LRRC4C: variants seen among roughly 807,000 people sequenced by gnomAD.
The protein encoded by LRRC4C is leucine-rich repeat-containing protein 4C.
A neutral mutation model predicts 33.6 loss-of-function variants in LRRC4C; 5 were observed. The ratio of observed to expected loss-of-function variants is 0.15; its 90% CI spans 0.08 to 0.31. The LOEUF (loss-of-function observed/expected upper bound fraction) is 0.31. Ranked by LOEUF, LRRC4C falls within the 10% of genes least tolerant of loss-of-function variation. The pLI, the probability that LRRC4C is intolerant of heterozygous loss-of-function variation, is 1.00. For synonymous variants in LRRC4C, 329 were observed against 302.0 expected (o/e 1.09, Z -0.93); for missense variants, 560 against 796.7 (o/e 0.70, Z 3.58).
At chr11:41,414,183 T>C (rs1322206313) in intron 1 of LRRC4C, among the ~76,000 whole-genome samples, 1 of 152,178 alleles carries the variant, frequency 6.6e-6, no homozygotes, top group African/African-American at 2.4e-5. Flanking sequence ...ACTCAATGCC[T>C]GACAGCTCTT....
At chr11:40,578,141 G>GTTTTTTTTTTTTT (rs1360920903) in intron 3 of LRRC4C, among the ~76,000 whole-genome samples, 6 of 50,136 alleles carry the variant, frequency 1.2e-4, no homozygotes, top group African/African-American at 1.4e-4. Flanking sequence ...TTTTTTTTCG[G>GTTTTTTTTTTTTT]TTTTTTTTTT....
intron 3 of LRRC4C, among the ~76,000 whole-genome samples, chr11:40,410,670 T>C (rs1326649994): frequency 6.6e-6 from 1 of 152,138 alleles, no homozygotes; most frequent in African/African-American, 2.4e-5. Context: ...GCACTTTTTT[T>C]ATATCATTGC....
At chr11:40,637,357 A>T (rs914313894) in intron 3 of LRRC4C, among the ~76,000 whole-genome samples, 1 of 152,274 alleles carries the variant, frequency 6.6e-6, no homozygotes, top group Non-Finnish European at 1.5e-5. Context: ...AGATCAAGTG[A>T]CTAAGTATAG....
At chr11:40,692,164 G>C (rs72896609) in intron 2 of LRRC4C, among the ~76,000 whole-genome samples, 1 of 151,928 alleles carries the variant, frequency 6.6e-6, no homozygotes, top group Admixed American at 6.6e-5. Flanking sequence ...AAATGAACCC[G>C]AGAGAGATCA....
At chr11:40,296,832 A>G (rs1167442672) in intron 4 of LRRC4C, among the ~76,000 whole-genome samples, 2 of 152,206 alleles carry the variant, frequency 1.3e-5, no homozygotes, top group African/African-American at 4.8e-5. Flanking sequence ...TTCAGAAGAA[A>G]TAATATTACA....
chr11:40,964,423 G>A (rs1201033646), intron 1 of LRRC4C, among the ~76,000 whole-genome samples: 1 of 151,748 alleles, frequency 6.6e-6, no homozygotes, highest in African/African-American at 2.4e-5. Context: ...ACAACGTGCA[G>A]GTTTGTTACA....
chr11:40,154,101 A>G (rs903311934), intron 5 of LRRC4C, among the ~76,000 whole-genome samples: 2 of 152,174 alleles, frequency 1.3e-5, no homozygotes, highest in African/African-American at 2.4e-5. Context: ...TAAACCCTGC[A>G]AGCTAGACGG....
intron 2 of LRRC4C, among the ~76,000 whole-genome samples, chr11:40,910,408 T>C (rs983368080): frequency 6.6e-6 from 1 of 152,214 alleles, no homozygotes; most frequent in African/African-American, 2.4e-5. Flanking sequence ...ATCATCTGGT[T>C]ATGGAAATAC....
At chr11:40,261,699 TA>T (rs962886453) in intron 4 of LRRC4C, among the ~76,000 whole-genome samples, 4 of 151,940 alleles carry the variant, frequency 2.6e-5, no homozygotes, top group African/African-American at 9.7e-5. Context: ...GTGATGAAGC[TA>T]AAAAAAGAAT....
chr11:41,199,771 A>G (rs1309549816), intron 1 of LRRC4C, among the ~76,000 whole-genome samples: 1 of 152,126 alleles, frequency 6.6e-6, no homozygotes, highest in Admixed American at 6.6e-5. Flanking sequence ...TGGAAATTTT[A>G]CACTAGCTGG....
At chr11:40,253,866 G>C (rs1230512589) in intron 4 of LRRC4C, among the ~76,000 whole-genome samples, 1 of 152,120 alleles carries the variant, frequency 6.6e-6, no homozygotes, top group Non-Finnish European at 1.5e-5. Flanking sequence ...GTTATAAAGT[G>C]CTTATCATAC....
intron 5 of LRRC4C, among the ~76,000 whole-genome samples, chr11:40,178,074 C>T (rs1860663862): frequency 6.6e-6 from 1 of 152,152 alleles, no homozygotes; most frequent in South Asian, 2.1e-4. Flanking sequence ...AGGGCTCTAT[C>T]AGCTTTTATG....
intron 1 of LRRC4C, among the ~76,000 whole-genome samples, chr11:41,016,419 T>G (rs1239401076): frequency 2.6e-5 from 4 of 152,176 alleles, no homozygotes; most frequent in Non-Finnish European, 5.9e-5. Flanking sequence ...ACTGTGTAAC[T>G]AATAAGGAAG....
chr11:41,313,092 G>C (rs772897751), intron 1 of LRRC4C, among the ~76,000 whole-genome samples: 8 of 152,294 alleles, frequency 5.3e-5, no homozygotes, highest in Admixed American at 1.3e-4. Flanking sequence ...TAAGTATGTT[G>C]AGGGTATGTT....
intron 3 of LRRC4C, among the ~76,000 whole-genome samples, chr11:40,405,141 C>CTTT (rs534979546): frequency 1.4e-5 from 2 of 145,618 alleles, no homozygotes; most frequent in Non-Finnish European, 3.0e-5. Context: ...TATATTTGAA[C>CTTT]TTTTTTTTTT....
intron 2 of LRRC4C, among the ~76,000 whole-genome samples, chr11:40,659,651 G>T (rs992525206): frequency 6.6e-6 from 1 of 152,194 alleles, no homozygotes; most frequent in African/African-American, 2.4e-5. Flanking sequence ...GGGAGGACTT[G>T]CCTGTGGAAA....
intron 1 of LRRC4C, among the ~76,000 whole-genome samples, chr11:41,169,785 G>A (rs1452817530): frequency 6.6e-6 from 1 of 152,108 alleles, no homozygotes; most frequent in Admixed American, 6.6e-5. Context: ...TGTGATAAAA[G>A]CAAGTAAATG....
intron 1 of LRRC4C, among the ~76,000 whole-genome samples, chr11:41,150,614 A>T (rs1158535684): frequency 6.6e-6 from 1 of 151,772 alleles, no homozygotes; most frequent in Non-Finnish European, 1.5e-5. Context: ...ATATGGTAAA[A>T]CCCCATCTCT....
At chr11:41,157,437 G>T (rs560856676) in intron 1 of LRRC4C, among the ~76,000 whole-genome samples, 2 of 152,034 alleles carry the variant, frequency 1.3e-5, no homozygotes, top group Admixed American at 1.3e-4. Flanking sequence ...GGAAAAAAAA[G>T]AACCATTTAA....
Sources: gnomAD v4.1 joint callset for allele counts (sites outside exome capture counted in the v4.1 genomes callset) on GRCh38, gnomAD v4.1.1 for gene constraint, MANE v1.5 for transcripts, NCBI Gene and HGNC (gene_info 2026-07-23, HGNC 2026-07-21) for gene names.